TEN1: variants seen among roughly 807,000 people sequenced by gnomAD.
TEN1 encodes the protein TEN1 subunit of CST complex, also known as CST complex subunit TEN1.
TEN1 carries 6 observed loss-of-function variants against 9.3 expected under a neutral mutation model. The observed-to-expected ratio is 0.65, with a 90% CI of 0.35 to 1.27. TEN1 has a LOEUF of 1.27. Among genes scored for constraint, TEN1 ranks in the 50% most tolerant of loss-of-function variants. TEN1 has a pLI of 0.03. For missense variants in TEN1, 149 were observed against 158.2 expected, an observed-to-expected ratio of 0.94 and a Z score of 0.31; for synonymous variants, 65 against 65.6, an observed-to-expected ratio of 0.99 and a Z score of 0.04.
intron 2 of TEN1, among the ~76,000 whole-genome samples, chr17:75,987,553 A>G (rs1258131677): frequency 6.6e-6 from 1 of 152,218 alleles, no homozygotes; most frequent in Non-Finnish European, 1.5e-5. Context: ...GGGGATGCAC[A>G]AGGATGTAAA....
At chr17:75,983,485 T>C (rs529833588) in intron 1 of TEN1, among the ~76,000 whole-genome samples, 2 of 152,216 alleles carry the variant, frequency 1.3e-5, no homozygotes, top group Admixed American at 1.3e-4. Context: ...CCCTTCATAA[T>C]TGTTATCTCC....
intron 1 of TEN1, among the ~76,000 whole-genome samples, chr17:75,981,224 T>A (rs187811403): frequency 6.6e-6 from 1 of 152,228 alleles, no homozygotes; most frequent in East Asian, 1.9e-4. Flanking sequence ...TCTTCCTCTG[T>A]CACCCAGGCT....
chr17:75,997,651 G>A (rs910271375), intron 3 of TEN1, among the ~76,000 whole-genome samples: 4 of 152,018 alleles, frequency 2.6e-5, no homozygotes, highest in African/African-American at 9.7e-5. Context: ...CCTCTATATG[G>A]AAATAATAGT....
intron 3 of TEN1, among the ~76,000 whole-genome samples, chr17:75,998,734 A>G (rs1329118805): frequency 6.6e-6 from 1 of 152,190 alleles, no homozygotes; most frequent in Non-Finnish European, 1.5e-5. Context: ...TCTGTTGCCC[A>G]GGCTGGAGTG....
intron 1 of TEN1, among the ~76,000 whole-genome samples, chr17:75,982,582 T>G (rs1319693269): frequency 6.6e-6 from 1 of 152,214 alleles, no homozygotes; most frequent in Non-Finnish European, 1.5e-5. Context: ...GATCATAGTT[T>G]TGCTTTGTTT....
Position 75,991,477 on chromosome 17 carries a change from A to G in TEN1, c.104A>G (p.Tyr35Cys). The G allele has an allele frequency of 6.4e-7, 1 of 1,552,326 alleles. No homozygotes were observed. Among genetic ancestry groups the G allele is most frequent in the Middle Eastern group, 1.7e-4 (1 of 5,998 alleles). The change falls in exon 3 of 4, where the codon TAT (tyrosine) becomes TGT (cysteine). Residue 35 changes from tyrosine (Y) to cysteine (C), a missense_variant. Tyr to Cys is a radical substitution (Grantham distance 194). Coordinates refer to ENST00000397640, the MANE Select transcript of TEN1 (RefSeq NM_001113324.3). The part of the protein sequence containing the change: ...TLRTFGRLCL[Y>C]DMIQSRVTLM... ...CTTCTGCCTTCCAGGTTGTGCCTCTATGACATGATTCAGTCCAGAGTAACA... is the reference window on the plus strand; with the variant it reads ...CTTCTGCCTTCCAGGTTGTGCCTCTGTGACATGATTCAGTCCAGAGTAACA...
chr17:75,981,596 G>T (rs865933444), intron 1 of TEN1, among the ~76,000 whole-genome samples: 209 of 132,356 alleles, frequency 1.6e-3, no homozygotes, highest in Middle Eastern at 3.8e-3. Context: ...AAAGCAAGTT[G>T]TTTTTTTTTT....
rs2066245814 is a variant in TEN1, at chr17:76,000,186, G to A, written c.296G>A (p.Gly99Glu). Residue 99 changes from glycine to glutamate, a missense_variant, in exon 4 of 4, where the codon GGG (glycine) becomes GAG (glutamate). By Grantham distance (98) the Gly-to-Glu change is moderately conservative. Transcript: ENST00000397640. This position sits in a 1 kb window ranked among gnomAD's most constrained non-coding sequence, Gnocchi z 5.9. ...VKARVLTCVE[G>E]MNLPLLEQAI... ...GCGCGCGTGCTGACCTGTGTGGAGG[G>A]GATGAACCTGCCCTTGTTGGAACAA... is the stretch of plus-strand genomic sequence containing the variant. 1.3e-6 allele frequency: 2 copies of A among 1,551,542 alleles called. No homozygotes were observed. Among genetic ancestry groups the A allele is most frequent in the Non-Finnish European group, 1.7e-6 (2 of 1,146,964 alleles).
At chr17:75,999,531 T>C (rs893086448) in intron 3 of TEN1, among the ~76,000 whole-genome samples, 19 of 151,884 alleles carry the variant, frequency 1.3e-4, no homozygotes, top group African/African-American at 3.4e-4. Flanking sequence ...TTAGTAGAGA[T>C]GGGGTTTCAT....
At chr17:75,993,392 C>G (rs1038081288) in intron 3 of TEN1, among the ~76,000 whole-genome samples, 1 of 152,032 alleles carries the variant, frequency 6.6e-6, no homozygotes, top group African/African-American at 2.4e-5. Flanking sequence ...CGTGAGCTAC[C>G]GCGCCTGGCC....
In TEN1 at chr17:75,991,449, T is replaced by C. The variant is rs1243395392; in HGVS notation, c.93-17T>C. Reference sequence around the variant, plus strand: ...CTACGTATGGATGGAAATTATTGCATTTCTTCTGCCTTCCAGGTTGTGCCT... The same window carrying C: ...CTACGTATGGATGGAAATTATTGCACTTCTTCTGCCTTCCAGGTTGTGCCT... On this transcript the variant is annotated splice_polypyrimidine_tract_variant and intron_variant, in intron 2 of 3. Coordinates refer to ENST00000397640, the MANE Select transcript of TEN1 (RefSeq NM_001113324.3). 8 of 1,551,686 alleles carry C rather than the reference T, an allele frequency of 5.2e-6. No homozygotes were observed. In the Admixed American group the frequency reaches 1.6e-4, roughly 30 times the overall value.
At chr17:75,987,916 C>CAAAA (rs34957837) in intron 2 of TEN1, among the ~76,000 whole-genome samples, 2 of 51,228 alleles carry the variant, frequency 3.9e-5, no homozygotes, top group Non-Finnish European at 3.7e-5. Context: ...GACTCCATCT[C>CAAAA]AAAAAAAAAA....
chr17:75,986,024 T>TTA, intron 1 of TEN1, 163 bp from the exon 2 acceptor site: 3 of 510,552 alleles, frequency 5.9e-6, no homozygotes, highest in Non-Finnish European at 1.0e-5. Context: ...TATCTCCTAA[T>TTA]GCTATCCCTC....
chr17:75,992,575 C>T (rs773438095), intron 3 of TEN1, among the ~76,000 whole-genome samples: 55 of 151,730 alleles, frequency 3.6e-4, no homozygotes, highest in East Asian at 7.8e-4. Context: ...TGCAGTGGCG[C>T]GATCTCGGCT....
intron 1 of TEN1, among the ~76,000 whole-genome samples, 167 bp downstream of exon 1, chr17:75,979,678 T>C (rs963408621): frequency 1.3e-5 from 2 of 151,892 alleles, no homozygotes; most frequent in African/African-American, 2.4e-5. Flanking sequence ...GGGCGGGAGA[T>C]GGGGCTTTGC....
chr17:75,987,655 G>A (rs1460299626), intron 2 of TEN1, among the ~76,000 whole-genome samples: 5 of 152,194 alleles, frequency 3.3e-5, no homozygotes, highest in African/African-American at 2.4e-5. Flanking sequence ...GGTGGCTCAC[G>A]CCTGTAACCC....
At chr17:75,985,252 CCT>C (rs2066144786) in intron 1 of TEN1, among the ~76,000 whole-genome samples, 1 of 152,084 alleles carries the variant, frequency 6.6e-6, no homozygotes, top group South Asian at 2.1e-4. Flanking sequence ...TGGTGGTGAT[CCT>C]CCTGCCTCAG....
intron 3 of TEN1, among the ~76,000 whole-genome samples, chr17:75,995,306 C>T (rs1483330941): frequency 1.3e-5 from 2 of 151,796 alleles, no homozygotes; most frequent in Non-Finnish European, 2.9e-5. Flanking sequence ...GAGGGAGGAT[C>T]GCTTGAGCCC....
chr17:75,995,419 C>A (rs1192304005), intron 3 of TEN1, among the ~76,000 whole-genome samples: 1 of 152,164 alleles, frequency 6.6e-6, no homozygotes, highest in Non-Finnish European at 1.5e-5. Context: ...AGGCCCAAAG[C>A]TCTATGGGGA....
Sources: allele counts gnomAD v4.1 joint callset (sites outside exome capture counted in the v4.1 genomes callset), GRCh38; gene constraint gnomAD v4.1.1; non-coding constraint Gnocchi (gnomAD v3.1); transcripts MANE v1.5; gene names NCBI Gene and HGNC (gene_info 2026-07-23, HGNC 2026-07-21).